Variants in SUPT3H observed in about 807,000 individuals in gnomAD.
SUPT3H encodes the protein transcription initiation protein SPT3 homolog.
In SUPT3H, 44 loss-of-function variants were observed where a neutral mutation model predicts 44.3. That is an observed-to-expected ratio of 0.99 (90% CI 0.78 to 1.28). SUPT3H has a LOEUF of 1.28. Among genes scored for constraint, SUPT3H ranks in the 50% most tolerant of loss-of-function variants. The pLI is 0.00. For missense variants in SUPT3H, 380 were observed against 387.1 expected (o/e 0.98, Z 0.15); for synonymous variants, 124 against 125.6 (o/e 0.99, Z 0.09).
intron 10 of SUPT3H, among the ~76,000 whole-genome samples, chr6:44,907,350 T>G (rs1766272206): frequency 6.6e-6 from 1 of 152,192 alleles, no homozygotes; most frequent in Admixed American, 6.5e-5. Flanking sequence ...GGATTTCATT[T>G]TTTATGTAAT....
intron 2 of SUPT3H, among the ~76,000 whole-genome samples, chr6:45,318,385 G>C (rs1785015500): frequency 6.6e-6 from 1 of 152,026 alleles, no homozygotes; most frequent in Non-Finnish European, 1.5e-5. Context: ...ACAACATAAA[G>C]AAAAAATCCT....
At chr6:45,241,056 AATG>A (rs1445817135) in intron 2 of SUPT3H, among the ~76,000 whole-genome samples, 5 of 152,222 alleles carry the variant, frequency 3.3e-5, no homozygotes, top group Admixed American at 3.3e-4. Flanking sequence ...GGGTGATTTC[AATG>A]ATGATTGTGC....
At chr6:45,274,941 A>G (rs1375693748) in intron 2 of SUPT3H, among the ~76,000 whole-genome samples, 3 of 152,120 alleles carry the variant, frequency 2.0e-5, no homozygotes, top group Non-Finnish European at 2.9e-5. Context: ...TATTGAGTTG[A>G]TGCTTTGATT....
At chr6:45,281,320 G>C (rs139733673) in intron 2 of SUPT3H, among the ~76,000 whole-genome samples, 2,635 of 152,336 alleles carry the variant, frequency 0.017, 90 homozygotes, top group African/African-American at 0.06. Flanking sequence ...AGCGCAAGGG[G>C]TCAGGGAATT....
In SUPT3H at chr6:45,005,834, A is replaced by G. The variant is rs116159156; in HGVS notation, c.365-2042T>C. ...CTATCAGATATCTATTCTTATTTAA[A>G]TTTGTAAAGGTTTACTTTGTGGCCA... is the stretch of plus-strand genomic sequence containing the variant. On this transcript the variant is annotated intron_variant, in intron 5 of 10. Transcript: ENST00000371459. Among the ~76,000 whole-genome samples, 1,083 of 152,210 alleles carry G rather than the reference A, an allele frequency of 7.1e-3. 20 individuals are homozygous for G. The highest frequency in any genetic ancestry group is 0.025 in the African/African-American group (1,029 of 41,550).
At chr6:44,884,921 G>A (rs1192393716) in intron 10 of SUPT3H, among the ~76,000 whole-genome samples, 3 of 152,272 alleles carry the variant, frequency 2.0e-5, no homozygotes, top group Non-Finnish European at 2.9e-5. Context: ...CTAATACTGC[G>A]CTTTTCCAAT....
chr6:45,103,459 G>T (rs1176381007), intron 3 of SUPT3H, among the ~76,000 whole-genome samples: 2 of 151,940 alleles, frequency 1.3e-5, no homozygotes, highest in African/African-American at 4.8e-5. Flanking sequence ...TTCAAAAGGG[G>T]TTTATAACCC....
At chr6:45,245,271 TTC>T (rs1260937015) in intron 2 of SUPT3H, among the ~76,000 whole-genome samples, 1 of 152,156 alleles carries the variant, frequency 6.6e-6, no homozygotes, top group African/African-American at 2.4e-5. Context: ...AAGTGAACTT[TTC>T]TTTGTGTGGT....
intron 2 of SUPT3H, among the ~76,000 whole-genome samples, chr6:45,351,455 T>A (rs922812273): frequency 6.6e-6 from 1 of 152,054 alleles, no homozygotes; most frequent in Non-Finnish European, 1.5e-5. Context: ...CACTGTAACA[T>A]AGTAAAATGA....
chr6:44,841,262 G>T (rs1209929199), intron 10 of SUPT3H, among the ~76,000 whole-genome samples: 1 of 152,130 alleles, frequency 6.6e-6, no homozygotes. Flanking sequence ...CCCTGTTTTA[G>T]CCATTATTAT....
In SUPT3H at chr6:44,849,220, CTTTTTTTTTTT is replaced by C. The variant is rs143665414; in HGVS notation, c.913-19374_913-19364del. On this transcript the variant is annotated intron_variant, in intron 10 of 10. Coordinates refer to ENST00000371459, the MANE Select transcript of SUPT3H (RefSeq NM_003599.4). Reference sequence around the variant, plus strand: ...TAGATATAAGCACTACAAATGAATACTTTTTTTTTTTTTTTTTTTTTTTTGAGACGGAGTCT... The same window carrying C: ...TAGATATAAGCACTACAAATGAATACTTTTTTTTTTTTTGAGACGGAGTCT... Among the ~76,000 whole-genome samples the C allele has an allele frequency of 2.8e-3, 274 of 96,652 alleles. 2 individuals are homozygous for C. The highest frequency in any genetic ancestry group is 0.011 in the African/African-American group (269 of 23,860). The allele number at this position is 96,652 out of a possible 152,430, so 63.4% of individuals were successfully genotyped here. A position where few individuals can be genotyped will look rare whatever the true frequency, so the allele number is the denominator to read the frequency against.
chr6:44,848,599 T>G (rs1056528913), intron 10 of SUPT3H, among the ~76,000 whole-genome samples: 2 of 146,024 alleles, frequency 1.4e-5, no homozygotes, highest in Admixed American at 6.8e-5. Flanking sequence ...TCTCTGCAAC[T>G]GTCCTTTTCT....
chr6:44,870,481 C>T (rs1314669797), intron 10 of SUPT3H, among the ~76,000 whole-genome samples: 1 of 151,752 alleles, frequency 6.6e-6, no homozygotes, highest in Non-Finnish European at 1.5e-5. Context: ...CACCTGTAGT[C>T]CCAGCTACTT....
intron 2 of SUPT3H, among the ~76,000 whole-genome samples, chr6:45,184,177 A>G (rs988714848): frequency 2.0e-5 from 3 of 152,220 alleles, no homozygotes; most frequent in Admixed American, 6.5e-5. Flanking sequence ...ACTTCTTAAA[A>G]AAAAGTCCAT....
chr6:45,168,292 T>G (rs1393069358), intron 2 of SUPT3H, among the ~76,000 whole-genome samples: 1 of 152,196 alleles, frequency 6.6e-6, no homozygotes, highest in African/African-American at 2.4e-5. Context: ...TCCAAAATGC[T>G]TGGGATCGGA....
At chr6:44,983,244 G>C (rs1206424256) in intron 6 of SUPT3H, among the ~76,000 whole-genome samples, 2 of 152,012 alleles carry the variant, frequency 1.3e-5, no homozygotes, top group African/African-American at 4.8e-5. Context: ...CACTATATTA[G>C]TCTATACAGG....
chr6:45,197,874 T>G (rs974371690), intron 2 of SUPT3H: 1 of 168,906 alleles, frequency 5.9e-6, no homozygotes, highest in Non-Finnish European at 1.4e-5. Flanking sequence ...AAAACCCAAA[T>G]TACATACAAC....
intron 2 of SUPT3H, chr6:45,251,180 T>C (rs1212514807): frequency 6.6e-6 from 1 of 152,068 alleles, no homozygotes; most frequent in Non-Finnish European, 1.5e-5. Flanking sequence ...TAAGGGAAAA[T>C]GATTTGCAAT....
At chr6:45,287,483 G>C (rs975242182) in intron 2 of SUPT3H, among the ~76,000 whole-genome samples, 3 of 152,146 alleles carry the variant, frequency 2.0e-5, no homozygotes, top group Admixed American at 6.6e-5. Flanking sequence ...AGGTTGTTTA[G>C]TGAAATAAAC....
Sources: gnomAD v4.1 joint callset for allele counts (sites outside exome capture counted in the v4.1 genomes callset) on GRCh38, gnomAD v4.1.1 for gene constraint, MANE v1.5 for transcripts, NCBI Gene and HGNC (gene_info 2026-07-23, HGNC 2026-07-21) for gene names.